Variants in ZNF385D observed in about 807,000 individuals in gnomAD.
ZNF385D encodes zinc finger protein 659.
A neutral mutation model predicts 35.8 loss-of-function variants in ZNF385D; 15 were observed. That is an observed-to-expected ratio of 0.42 (90% CI 0.28 to 0.64). The LOEUF is 0.64. Ranked by LOEUF, ZNF385D falls within the 30% of genes least tolerant of loss-of-function variation. The probability of loss-of-function intolerance (pLI) is 0.23; values close to 1 mark genes in which losing one functional copy is unlikely to be tolerated. For synonymous variants in ZNF385D, 212 were observed against 186.8 expected (o/e 1.13, Z -1.10); for missense variants, 474 against 494.6 (o/e 0.96, Z 0.39).
chr3:21,860,104 G>A (rs1230160175), intron 3 of ZNF385D, among the ~76,000 whole-genome samples: 1 of 152,078 alleles, frequency 6.6e-6, no homozygotes, highest in Non-Finnish European at 1.5e-5. Flanking sequence ...TAGGATGAAT[G>A]TTGAAATAGC....
intron 3 of ZNF385D, among the ~76,000 whole-genome samples, chr3:21,980,466 A>G (rs1203628076): frequency 6.6e-6 from 1 of 152,186 alleles, no homozygotes; most frequent in Non-Finnish European, 1.5e-5. Flanking sequence ...TGAAGTGAAA[A>G]ACAGTGTCAT....
chr3:21,975,919 GT>G (rs1341757689), intron 3 of ZNF385D, among the ~76,000 whole-genome samples: 5 of 152,000 alleles, frequency 3.3e-5, no homozygotes, highest in Non-Finnish European at 1.5e-5. Context: ...AGCATCAAGT[GT>G]GTTGAAAAAA....
At chr3:21,474,510 C>G (rs1254833309) in intron 4 of ZNF385D, among the ~76,000 whole-genome samples, 1 of 152,064 alleles carries the variant, frequency 6.6e-6, no homozygotes, top group East Asian at 1.9e-4. Flanking sequence ...AGGTCAAACA[C>G]ATTGTTTGGA....
intron 5 of ZNF385D, among the ~76,000 whole-genome samples, chr3:21,430,768 A>G (rs913187290): frequency 1.3e-5 from 2 of 152,118 alleles, no homozygotes; most frequent in African/African-American, 4.8e-5. Flanking sequence ...CATGGAAAAT[A>G]CCACATTGCT....
intron 3 of ZNF385D, among the ~76,000 whole-genome samples, chr3:21,941,825 C>G (rs1470319544): frequency 6.6e-6 from 1 of 151,920 alleles, no homozygotes; most frequent in Non-Finnish European, 1.5e-5. Context: ...TGGCCCACCT[C>G]ATTCTACAAT....
intron 1 of ZNF385D, among the ~76,000 whole-genome samples, chr3:21,692,457 T>A (rs1421234340): frequency 6.6e-6 from 1 of 152,200 alleles, no homozygotes; most frequent in Non-Finnish European, 1.5e-5. Context: ...CTCAAAATAA[T>A]TTGATTTCTC....
intron 3 of ZNF385D, among the ~76,000 whole-genome samples, chr3:21,898,057 T>C (rs909329375): frequency 6.6e-5 from 10 of 152,180 alleles, no homozygotes; most frequent in African/African-American, 2.4e-4. Flanking sequence ...ACTGGGATTG[T>C]ATTTTTGTAT....
At chr3:21,981,263 A>G (rs1694428844) in intron 3 of ZNF385D, among the ~76,000 whole-genome samples, 1 of 152,088 alleles carries the variant, frequency 6.6e-6, no homozygotes, top group Non-Finnish European at 1.5e-5. Flanking sequence ...AGCTATTCTG[A>G]CTGGTATAAG....
intron 3 of ZNF385D, among the ~76,000 whole-genome samples, chr3:22,050,045 T>G (rs1699248470): frequency 6.6e-6 from 1 of 152,132 alleles, no homozygotes; most frequent in Non-Finnish European, 1.5e-5. Flanking sequence ...TTGGAGCAGT[T>G]TGAGAAGGAT....
chr3:21,493,590 G>A (rs1705591740), intron 4 of ZNF385D, among the ~76,000 whole-genome samples: 1 of 151,692 alleles, frequency 6.6e-6, no homozygotes, highest in Non-Finnish European at 1.5e-5. Flanking sequence ...GGAGAAGCAT[G>A]CATTTATGGG....
chr3:22,145,533 T>C (rs867293767), intron 3 of ZNF385D, among the ~76,000 whole-genome samples: 1 of 152,294 alleles, frequency 6.6e-6, no homozygotes, highest in Middle Eastern at 3.4e-3. Context: ...GGAAGAATAC[T>C]ATTTTTTCCC....
chr3:21,936,110 G>T (rs1333699682), intron 3 of ZNF385D, among the ~76,000 whole-genome samples: 1 of 152,156 alleles, frequency 6.6e-6, no homozygotes, highest in South Asian at 2.1e-4. Context: ...GGGATGAGGA[G>T]GTGAGAGAGG....
intron 2 of ZNF385D, among the ~76,000 whole-genome samples, chr3:21,620,120 G>A (rs1167001846): frequency 1.3e-5 from 2 of 152,158 alleles, no homozygotes; most frequent in Admixed American, 6.5e-5. Context: ...CAAAACATTT[G>A]CACGTATTTT....
chr3:21,745,513 T>G (rs2069725344), intron 1 of ZNF385D, among the ~76,000 whole-genome samples: 1 of 152,226 alleles, frequency 6.6e-6, no homozygotes, highest in Admixed American at 6.5e-5. Context: ...TTTTCAATCC[T>G]AGCAATTTGG....
chr3:21,757,120 C>CTTTTTTTTT (rs61226426), intron 3 of ZNF385D, among the ~76,000 whole-genome samples: 1,436 of 106,330 alleles, frequency 0.014, 23 homozygotes, highest in Non-Finnish European at 0.015. Context: ...ATAAATTTCT[C>CTTTTTTTTT]TTTTTTTTTT....
chr3:21,584,035 G>A (rs1030036529), intron 2 of ZNF385D, among the ~76,000 whole-genome samples: 2 of 151,660 alleles, frequency 1.3e-5, no homozygotes, highest in East Asian at 1.9e-4. Flanking sequence ...GTGCGATGGC[G>A]TGATCTCGGC....
At chr3:21,660,185 A>G (rs1267869794) in intron 2 of ZNF385D, among the ~76,000 whole-genome samples, 2 of 152,056 alleles carry the variant, frequency 1.3e-5, no homozygotes, top group Non-Finnish European at 2.9e-5. Flanking sequence ...TGATAAAATC[A>G]TATTATACAG....
At chr3:21,684,174 A>G (rs575485497) in intron 1 of ZNF385D, among the ~76,000 whole-genome samples, 2 of 149,480 alleles carry the variant, frequency 1.3e-5, no homozygotes, top group Non-Finnish European at 3.0e-5. Context: ...ACAACTTTCA[A>G]GCACGCTCTT....
At chr3:21,718,926 T>C (rs1265249519) in intron 1 of ZNF385D, among the ~76,000 whole-genome samples, 3 of 152,214 alleles carry the variant, frequency 2.0e-5, no homozygotes, top group Non-Finnish European at 2.9e-5. Flanking sequence ...AATTTAAAAA[T>C]TGTTAAAATT....
Sources: gnomAD v4.1 joint callset for allele counts (sites outside exome capture counted in the v4.1 genomes callset) on GRCh38, gnomAD v4.1.1 for gene constraint, MANE v1.5 for transcripts, NCBI Gene and HGNC (gene_info 2026-07-23, HGNC 2026-07-21) for gene names.